The following STAU2 variants were observed in gnomAD, a reference collection of about 807,000 sequenced individuals.
The protein encoded by STAU2 is staufen double-stranded RNA binding protein 2.
Under a neutral mutation model 65.9 loss-of-function variants are expected in STAU2, and 20 were observed. The observed-to-expected ratio is 0.30, with a 90% CI of 0.21 to 0.44. The LOEUF (loss-of-function observed/expected upper bound fraction) is 0.44. STAU2 is among the 20% of genes least tolerant of loss of function. The pLI is 1.00. For synonymous variants in STAU2, 232 were observed against 233.9 expected, an observed-to-expected ratio of 0.99 and a Z score of 0.07; for missense variants, 558 against 683.9, an observed-to-expected ratio of 0.82 and a Z score of 2.05.
At chr8:73,681,833 C>T (rs192889282) in intron 5 of STAU2, among the ~76,000 whole-genome samples, 32 of 152,128 alleles carry the variant, frequency 2.1e-4, no homozygotes, top group African/African-American at 7.2e-4. Flanking sequence ...GCTATTCTTA[C>T]ATCAGATAAA....
At chr8:73,628,725 C>G (rs1813872579) in intron 6 of STAU2, among the ~76,000 whole-genome samples, 1 of 152,148 alleles carries the variant, frequency 6.6e-6, no homozygotes, top group African/African-American at 2.4e-5. Context: ...ATAAAAGATA[C>G]AAACATACTG....
At chr8:73,600,486 G>C (rs1473457192) in intron 10 of STAU2, among the ~76,000 whole-genome samples, 1 of 152,192 alleles carries the variant, frequency 6.6e-6, no homozygotes, top group Non-Finnish European at 1.5e-5. Context: ...TGCCGTAACA[G>C]TGTCTGCCTC....
intron 6 of STAU2, among the ~76,000 whole-genome samples, chr8:73,625,382 A>G (rs1376806598): frequency 1.3e-5 from 2 of 152,254 alleles, no homozygotes; most frequent in Admixed American, 1.3e-4. Context: ...CGTACAAAGG[A>G]ATGAAGTATA....
intron 6 of STAU2, among the ~76,000 whole-genome samples, chr8:73,641,710 G>T (rs1419058460): frequency 6.6e-6 from 1 of 152,148 alleles, no homozygotes; most frequent in Admixed American, 6.5e-5. Context: ...GTTTAATCTG[G>T]TATTGTCCAA....
chr8:73,601,594 G>A (rs1338009201), intron 10 of STAU2, among the ~76,000 whole-genome samples: 1 of 152,040 alleles, frequency 6.6e-6, no homozygotes, highest in African/African-American at 2.4e-5. Context: ...TTATACAAAG[G>A]CCGTTACTTT....
chr8:73,738,538 G>A (rs1175182607), intron 2 of STAU2, among the ~76,000 whole-genome samples, 189 bp from the exon 3 acceptor site: 1 of 152,120 alleles, frequency 6.6e-6, no homozygotes, highest in Non-Finnish European at 1.5e-5. Context: ...AGCCACATGT[G>A]GCTACTGAGC....
At chr8:73,554,859 C>G (rs1807601274) in intron 12 of STAU2, among the ~76,000 whole-genome samples, 1 of 152,198 alleles carries the variant, frequency 6.6e-6, no homozygotes, top group Non-Finnish European at 1.5e-5. Context: ...CTATCTTCAT[C>G]TACGAAATAT....
chr8:73,694,424 A>G (rs995005948), intron 4 of STAU2, among the ~76,000 whole-genome samples: 1 of 152,220 alleles, frequency 6.6e-6, no homozygotes, highest in Non-Finnish European at 1.5e-5. Context: ...AAGACAGACC[A>G]TATTCTGGGC....
intron 6 of STAU2, chr8:73,669,185 G>A: frequency 1.5e-6 from 1 of 668,552 alleles, no homozygotes; most frequent in South Asian, 1.7e-5. Flanking sequence ...GCGCTTCTGT[G>A]AGCAGAAAGA....
At chr8:73,705,373 C>T (rs187071540) in intron 4 of STAU2, among the ~76,000 whole-genome samples, 1 of 152,236 alleles carries the variant, frequency 6.6e-6, no homozygotes, top group East Asian at 1.9e-4. Flanking sequence ...CATTGCCTCC[C>T]TCAGTGATAC....
chr8:73,604,713 T>G (rs2129729627), intron 9 of STAU2, among the ~76,000 whole-genome samples: 1 of 152,246 alleles, frequency 6.6e-6, no homozygotes, highest in East Asian at 1.9e-4. Flanking sequence ...AAATACATAT[T>G]AAAAACCTCA....
chr8:73,429,600 A>AT (rs894064148), intron 13 of STAU2, among the ~76,000 whole-genome samples: 28 of 144,696 alleles, frequency 1.9e-4, no homozygotes, highest in South Asian at 6.7e-4. Context: ...ACCTGGCTAA[A>AT]TTTTTTTTTT....
chr8:73,437,996 T>C (rs141200266), intron 13 of STAU2, among the ~76,000 whole-genome samples: 225 of 152,284 alleles, frequency 1.5e-3, no homozygotes, highest in African/African-American at 5.1e-3. Flanking sequence ...ACAAGCTCCC[T>C]CCTGCCTCAG....
intron 13 of STAU2, among the ~76,000 whole-genome samples, chr8:73,479,230 T>A (rs749195942): frequency 1.3e-5 from 2 of 152,100 alleles, no homozygotes; most frequent in Non-Finnish European, 2.9e-5. Flanking sequence ...AGTTAGTAAT[T>A]CCTTAATACC....
At chr8:73,460,126 T>C (rs1300759916) in intron 13 of STAU2, among the ~76,000 whole-genome samples, 2 of 152,246 alleles carry the variant, frequency 1.3e-5, no homozygotes, top group Non-Finnish European at 2.9e-5. Context: ...CTGTATCTTC[T>C]TAAGATTCCC....
At chr8:73,494,095 G>C (rs1821278977) in intron 13 of STAU2, among the ~76,000 whole-genome samples, 1 of 151,722 alleles carries the variant, frequency 6.6e-6, no homozygotes. Context: ...ATCTTGACAG[G>C]GGTTTGAGTT....
chr8:73,537,525 T>A (rs1222604033), intron 13 of STAU2, among the ~76,000 whole-genome samples: 1 of 152,204 alleles, frequency 6.6e-6, no homozygotes, highest in Non-Finnish European at 1.5e-5. Flanking sequence ...CAGCAGTTTC[T>A]CAACAGAAAC....
chr8:73,577,464 C>CAT (rs1421222026), intron 12 of STAU2, among the ~76,000 whole-genome samples: 2 of 150,220 alleles, frequency 1.3e-5, no homozygotes, highest in Non-Finnish European at 3.0e-5. Flanking sequence ...TATACACACA[C>CAT]ATATATATAA....
chr8:73,617,722 T>C (rs940499179), intron 6 of STAU2, among the ~76,000 whole-genome samples: 14 of 152,212 alleles, frequency 9.2e-5, no homozygotes, highest in African/African-American at 3.4e-4. Flanking sequence ...GGATACTTCC[T>C]GGTGAGAAGT....
Sources: gnomAD v4.1 joint callset for allele counts (sites outside exome capture counted in the v4.1 genomes callset) on GRCh38, gnomAD v4.1.1 for gene constraint, MANE v1.5 for transcripts, NCBI Gene and HGNC (gene_info 2026-07-23, HGNC 2026-07-21) for gene names.